Variants in OR52A1 observed in about 807,000 individuals in gnomAD.
OR52A1 encodes olfactory receptor family 52 subfamily A member 1.
Under a neutral mutation model 14.3 loss-of-function variants are expected in OR52A1, and 14 were observed. That is an observed-to-expected ratio of 0.98 (90% CI 0.65 to 1.54). The LOEUF (loss-of-function observed/expected upper bound fraction) is 1.54. Among genes scored for constraint, OR52A1 ranks in the 40% most tolerant of loss-of-function variants. The probability of loss-of-function intolerance (pLI) is 0.00; values close to 1 mark genes in which losing one functional copy is unlikely to be tolerated. For synonymous variants in OR52A1, 151 were observed against 135.3 expected (o/e 1.12, Z -0.80); for missense variants, 405 against 381.3 (o/e 1.06, Z -0.52).
Position 5,151,836 on chromosome 11 carries a change from G to A in OR52A1, c.534C>T (p.Ser178=). 2.5e-6 allele frequency: 4 copies of A among 1,614,148 alleles called. No individual in the cohort carries two copies. The highest frequency in any genetic ancestry group is 3.4e-6 in the Non-Finnish European group (4 of 1,180,022). Residue 178 remains serine, a synonymous_variant, in exon 2 of 2, where the codon TCC becomes TCT. Transcript: ENST00000380367. ...RFQFYHTTVI[S]HSYCEHMAIV... is the part of the protein sequence containing the mutation. ...TGGCCATATGCTCACAGTAGGAGTG[G>A]GAGATGACTGTTGTGTGATAAAATT...
At chr11:5,152,960 T>A (rs1157641026) in intron 1 of OR52A1, among the ~76,000 whole-genome samples, 1 of 152,188 alleles carries the variant, frequency 6.6e-6, no homozygotes, top group African/African-American at 2.4e-5. Context: ...GTAAAGAGAA[T>A]GCTTTAGAAA....
At position 5,149,599 on chromosome 11, in the gene OR52A1, A is replaced by T. The variant is rs1846519729; in HGVS notation, c.*1832T>A. The T allele has an allele frequency of 6.6e-6, 1 of 152,190 alleles. No homozygotes were observed. Among genetic ancestry groups the T allele is most frequent in the Non-Finnish European group, 1.5e-5 (1 of 68,032 alleles). 9.4% of individuals were successfully genotyped at this position (152,190 alleles called of 1,614,324 possible). Reference sequence around the variant, plus strand: ...ATATTGTTTGAATTTCATAAAAATTATTTGTGGACATACATTTTTCTATCT... The same window carrying T: ...ATATTGTTTGAATTTCATAAAAATTTTTTGTGGACATACATTTTTCTATCT... On this transcript the variant is annotated 3_prime_UTR_variant, in exon 2 of 2. Coordinates refer to ENST00000380367, the MANE Select transcript of OR52A1 (RefSeq NM_012375.3).
In OR52A1 at chr11:5,152,007, G is replaced by T; in HGVS notation, c.363C>A (p.Ala121=). Residue 121 remains alanine, a synonymous_variant, in exon 2 of 2, where the codon GCC becomes GCA. Coordinates refer to ENST00000380367, the MANE Select transcript of OR52A1 (RefSeq NM_012375.3). ...GIESGILVAM[A]LDRYVAICYP... The stretch of plus-strand genomic sequence containing the variant: ...AACAGATGGCCACATAACGGTCCAG[G>T]GCCATGGCCACAAGGATGCCTGACT... 6.2e-7 allele frequency: 1 copy of T among 1,614,050 alleles called. No individual in the cohort carries two copies. Among genetic ancestry groups the T allele is most frequent in the Non-Finnish European group, 8.5e-7 (1 of 1,179,992 alleles).
rs999965792 is a variant in OR52A1 at position 5,149,270 on chromosome 11, G to A, written c.*2161C>T. 2.0e-5 allele frequency: 3 copies of A among 152,042 alleles called. No homozygotes were observed. In the East Asian group the frequency reaches 5.8e-4, roughly 29 times the overall value. The allele number at this position is 152,042 out of a possible 1,614,324, so 9.4% of individuals were successfully genotyped here. On this transcript the variant is annotated 3_prime_UTR_variant, in exon 2 of 2. Coordinates refer to ENST00000380367, the MANE Select transcript of OR52A1 (RefSeq NM_012375.3). ...CATATTTTATGAGATATTAAAATTC[G>A]GAGATGGTGCAAATATGTTGTAGTT...
rs575135458 is a variant in OR52A1, at chr11:5,151,846, G to C, written c.524C>G (p.Thr175Arg). 15 of 1,614,168 alleles carry C rather than the reference G, an allele frequency of 9.3e-6. No homozygotes were observed. Among genetic ancestry groups the C allele is most frequent in the Non-Finnish European group, 1.1e-5 (13 of 1,180,016 alleles). ...IKCRFQFYHT[T>R]VISHSYCEHM... ...CTCACAGTAGGAGTGGGAGATGACT[G>C]TTGTGTGATAAAATTGAAACCGGCA... The change falls in exon 2 of 2, where the codon ACA (threonine) becomes AGA (arginine). Residue 175 changes from threonine to arginine, a missense_variant. By Grantham distance (71) the Thr-to-Arg change is moderately conservative. Transcript: ENST00000380367.
Position 5,151,580 on chromosome 11 carries a change from TGAA to T in OR52A1, c.787_789del (p.Phe263del), listed in dbSNP as rs766997566. 14 of 1,613,992 alleles carry T rather than the reference TGAA, an allele frequency of 8.7e-6. 1 individual carries two copies. In the South Asian group the frequency reaches 1.2e-4, roughly 14 times the overall value. ...GAGATGTGAGACCCAAACCTATGTG[TGAA>T]GAAGGAGAAGAAGGCAAGGAGGTAG... On this transcript the variant is annotated inframe_deletion, in exon 2 of 2. Transcript: ENST00000380367.
At chr11:5,153,570 C>G (rs1274041667) in intron 1 of OR52A1, among the ~76,000 whole-genome samples, 1 of 152,036 alleles carries the variant, frequency 6.6e-6, no homozygotes, top group Non-Finnish European at 1.5e-5. Flanking sequence ...GGCTCTTATG[C>G]TTTATATAAA....
chr11:5,154,143 A>C (rs1365048707), intron 1 of OR52A1, among the ~76,000 whole-genome samples: 1 of 152,170 alleles, frequency 6.6e-6, no homozygotes, highest in Admixed American at 6.6e-5. Context: ...CTCCAAAGAT[A>C]ATCACAATTA....
rs528595621 is a variant in OR52A1, at chr11:5,152,048, T to G, written c.322A>C (p.Thr108Pro). 1 of 1,614,066 alleles carries G rather than the reference T, an allele frequency of 6.2e-7. No homozygotes were observed. Among genetic ancestry groups the G allele is most frequent in the Admixed American group, 1.7e-5 (1 of 59,990 alleles). The change falls in exon 2 of 2, where the codon ACA (threonine) becomes CCA (proline). Residue 108 changes from threonine to proline, a missense_variant. Transcript: ENST00000380367. Reference protein sequence around the residue: ...SCLLQMWFIHTLQGIESGILV... With the variant: ...SCLLQMWFIHPLQGIESGILV... ...ATGCCTGACTCTATACCCTGCAATG[T>G]GTGGATGAACCACATTTGAAGCAAG...
At position 5,152,385 on chromosome 11, in the gene OR52A1, C is replaced by G. The variant is rs148807816; in HGVS notation, c.-16G>C. 3.6e-5 allele frequency: 56 copies of G among 1,548,832 alleles called. No individual in the cohort carries two copies. The African/African-American group carries it at 6.3e-4, about 17-fold the overall frequency. ...AAATGGACATAGTGTCGTTGGGTCT[C>G]CTGATGCAAACAAAAGAAGTTTCTC... is the stretch of plus-strand genomic sequence containing the variant. On this transcript the variant is annotated 5_prime_UTR_variant, in exon 2 of 2. Coordinates refer to ENST00000380367, the MANE Select transcript of OR52A1 (RefSeq NM_012375.3).
In OR52A1 at chr11:5,147,939, A is replaced by C. The variant is rs1846499048; in HGVS notation, c.*3492T>G. The C allele has an allele frequency of 6.6e-6, 1 of 151,830 alleles. No individual in the cohort carries two copies. Among genetic ancestry groups the C allele is most frequent in the Non-Finnish European group, 1.5e-5 (1 of 67,980 alleles). The allele number at this position is 151,830 out of a possible 1,614,324, so 9.4% of individuals were successfully genotyped here. ...TCAGGAGTAGCTAGGAATCACTTGCATTTTTAATACTGTTTAAATACAGGC... is the reference window on the plus strand; with the variant it reads ...TCAGGAGTAGCTAGGAATCACTTGCCTTTTTAATACTGTTTAAATACAGGC... On this transcript the variant is annotated 3_prime_UTR_variant, in exon 2 of 2. Transcript: ENST00000380367.
chr11:5,150,325 C>G lies in OR52A1; in HGVS notation c.*1106G>C, dbSNP rs1005419369. 1.3e-5 allele frequency: 2 copies of G among 152,008 alleles called. No homozygotes were observed. The highest frequency in any genetic ancestry group is 1.5e-5 in the Non-Finnish European group (1 of 68,032). 9.4% of individuals were successfully genotyped at this position (152,008 alleles called of 1,614,324 possible). ...TTATAGCTTTTGGAATAAAGTCCAG[C>G]AACTCTGCACAACATTAATAGCCAT... On this transcript the variant is annotated 3_prime_UTR_variant, in exon 2 of 2. Coordinates refer to ENST00000380367, the MANE Select transcript of OR52A1 (RefSeq NM_012375.3).
Position 5,151,611 on chromosome 11 carries a change from C to A in OR52A1, c.759G>T (p.Gln253His). The A allele has an allele frequency of 6.2e-7, 1 of 1,614,104 alleles. No individual in the cohort carries two copies. The highest frequency in any genetic ancestry group is 2.2e-5 in the East Asian group (1 of 44,886). ...AGGAGAAGAAGGCAAGGAGGTAGAA[C>A]TGGAGGAAGACACAGATGTGAGCAA... Reference protein sequence around the residue: ...TCIAHICVFLQFYLLAFFSFF... With the variant: ...TCIAHICVFLHFYLLAFFSFF... Residue 253 changes from glutamine (Q) to histidine (H), a missense_variant, in exon 2 of 2, where the codon CAG (glutamine) becomes CAT (histidine). Transcript: ENST00000380367.
rs1846517467 is a variant in OR52A1, at chr11:5,149,313, G to A, written c.*2118C>T. On this transcript the variant is annotated 3_prime_UTR_variant, in exon 2 of 2. Transcript: ENST00000380367. ...TTGTAGTTTCACATTGTGTCTCTTTGTTGGACCTATATTACCACATATTTT... is the reference window on the plus strand; with the variant it reads ...TTGTAGTTTCACATTGTGTCTCTTTATTGGACCTATATTACCACATATTTT... The A allele has an allele frequency of 6.6e-6, 1 of 152,132 alleles. No individual in the cohort carries two copies. The highest frequency in any genetic ancestry group is 2.1e-4 in the South Asian group (1 of 4,830). The allele number at this position is 152,132 out of a possible 1,614,324, so 9.4% of individuals were successfully genotyped here.
Position 5,152,181 on chromosome 11 carries a change from A to C in OR52A1, c.189T>G (p.Ile63Met), listed in dbSNP as rs1846553187. 1 of 1,614,152 alleles carries C rather than the reference A, an allele frequency of 6.2e-7. No homozygotes were observed. Among genetic ancestry groups the C allele is most frequent in the Non-Finnish European group, 8.5e-7 (1 of 1,179,986 alleles). ...CTGTGGCTCCTAGCATGCCTAAGAA[A>C]ATGTACAAGGGCTCATGGAGACTGC... ...SERSLHEPLY[I>M]FLGMLGATDI... Residue 63 changes from isoleucine to methionine, a missense_variant, in exon 2 of 2, where the codon ATT becomes ATG. Transcript: ENST00000380367.
chr11:5,147,051 G>A lies in OR52A1; in HGVS notation c.*4380C>T, dbSNP rs1846487813. 6.6e-6 allele frequency: 1 copy of A among 152,160 alleles called. No homozygotes were observed. The highest frequency in any genetic ancestry group is 2.4e-5 in the African/African-American group (1 of 41,430). The allele number at this position is 152,160 out of a possible 1,614,324, so 9.4% of individuals were successfully genotyped here. On this transcript the variant is annotated 3_prime_UTR_variant, in exon 2 of 2. Coordinates refer to ENST00000380367, the MANE Select transcript of OR52A1 (RefSeq NM_012375.3). ...TGCCAGAAAAGTCTGACAGCATTCT[G>A]CTTAAGATTACTCTACATTTCTAGA...
chr11:5,151,559 T>C lies in OR52A1; in HGVS notation c.811A>G (p.Ile271Val). 1 of 1,605,990 alleles carries C rather than the reference T, an allele frequency of 6.2e-7. No homozygotes were observed. The highest frequency in any genetic ancestry group is 8.5e-7 in the Non-Finnish European group (1 of 1,175,802). ...AAGAGAATATGGATATAAGGGGAGA[T>C]GTGAGACCCAAACCTATGTGTGAAG... is the stretch of plus-strand genomic sequence containing the variant. The part of the protein sequence containing the change: ...SFFTHRFGSH[I>V]SPYIHILFSS... Residue 271 changes from isoleucine (I) to valine (V), a missense_variant, in exon 2 of 2, where the codon ATC (isoleucine) becomes GTC (valine). Transcript: ENST00000380367.
chr11:5,151,226 T>C lies in OR52A1; in HGVS notation c.*205A>G, dbSNP rs1846535586. ...AGAAAAAATAATATATATTCACTAC[T>C]TCACTCATTTCACACTTCTCACTTT... is the stretch of plus-strand genomic sequence containing the variant. On this transcript the variant is annotated 3_prime_UTR_variant, in exon 2 of 2. Coordinates refer to ENST00000380367, the MANE Select transcript of OR52A1 (RefSeq NM_012375.3). 3 of 514,880 alleles carry C rather than the reference T, an allele frequency of 5.8e-6. No individual in the cohort carries two copies. Among genetic ancestry groups the C allele is most frequent in the South Asian group, 3.3e-5 (1 of 30,224 alleles). The allele number at this position is 514,880 out of a possible 1,614,324, so 31.9% of individuals were successfully genotyped here.
At position 5,150,431 on chromosome 11, in the gene OR52A1, A is replaced by G. The variant is rs1846527832; in HGVS notation, c.*1000T>C. On this transcript the variant is annotated 3_prime_UTR_variant, in exon 2 of 2. Coordinates refer to ENST00000380367, the MANE Select transcript of OR52A1 (RefSeq NM_012375.3). ...ATTGAAAAAACTAGAGTTACCTTAA[A>G]CTACATTATCTAGTTTAAATCTCCT... 1 of 152,148 alleles carries G rather than the reference A, an allele frequency of 6.6e-6. No homozygotes were observed. The highest frequency in any genetic ancestry group is 2.4e-5 in the African/African-American group (1 of 41,422). The allele number at this position is 152,148 out of a possible 1,614,324, so 9.4% of individuals were successfully genotyped here. A position where few individuals can be genotyped will look rare whatever the true frequency, so the allele number is the denominator to read the frequency against.
Sources: gnomAD v4.1 joint callset for allele counts (sites outside exome capture counted in the v4.1 genomes callset) on GRCh38, gnomAD v4.1.1 for gene constraint, MANE v1.5 for transcripts, NCBI Gene and HGNC (gene_info 2026-07-23, HGNC 2026-07-21) for gene names.